The following FAM83B variants were observed in gnomAD, a reference collection of about 807,000 sequenced individuals.
FAM83B encodes scaffolding CK1 anchoring protein B, also known as protein FAM83B.
A neutral mutation model predicts 38.8 loss-of-function variants in FAM83B; 26 were observed. That is an observed-to-expected ratio of 0.67 (90% CI 0.49 to 0.93). The LOEUF (loss-of-function observed/expected upper bound fraction) is 0.93, where lower values mean the gene tolerates loss of function less well. Among genes scored for constraint, FAM83B ranks in the 40% least tolerant of loss-of-function variants. The probability of loss-of-function intolerance (pLI) is 0.00; values close to 1 mark genes in which losing one functional copy is unlikely to be tolerated. For synonymous variants in FAM83B, 419 were observed against 423.1 expected (o/e 0.99, Z 0.12); for missense variants, 1,237 against 1,197.3 (o/e 1.03, Z -0.49).
intron 1 of FAM83B, among the ~76,000 whole-genome samples, chr6:54,858,386 G>C (rs1030504147): frequency 6.6e-6 from 1 of 152,090 alleles, no homozygotes; most frequent in East Asian, 1.9e-4. Context: ...CTTGAAAAAA[G>C]AATCTAGATT....
At position 54,940,965 on chromosome 6, in the gene FAM83B, T is replaced by G; in HGVS notation, c.1994T>G (p.Phe665Cys). The change falls in exon 5 of 5, where the codon TTC (phenylalanine) becomes TGC (cysteine). Residue 665 changes from phenylalanine (F) to cysteine (C), a missense_variant. Phe to Cys is a radical substitution (Grantham distance 205). Coordinates refer to ENST00000306858, the MANE Select transcript of FAM83B (RefSeq NM_001010872.3). The stretch of plus-strand genomic sequence containing the variant: ...GAGAATCTACTTAAAAGGCGAAGTT[T>G]CCCGTTATTTGACAACTCAAAAGCC... The part of the protein sequence containing the change: ...QTENLLKRRS[F>C]PLFDNSKANL... 1 of 1,613,836 alleles carries G rather than the reference T, an allele frequency of 6.2e-7. No homozygotes were observed. Among genetic ancestry groups the G allele is most frequent in the Non-Finnish European group, 8.5e-7 (1 of 1,179,940 alleles).
chr6:54,937,937 A>G (rs1773559291), intron 4 of FAM83B, among the ~76,000 whole-genome samples: 1 of 151,936 alleles, frequency 6.6e-6, no homozygotes, highest in Non-Finnish European at 1.5e-5. Context: ...TGCATGGATA[A>G]GTTCTTTAGT....
At chr6:54,902,578 A>T (rs1238003367) in intron 2 of FAM83B, among the ~76,000 whole-genome samples, 1 of 152,100 alleles carries the variant, frequency 6.6e-6, no homozygotes, top group Admixed American at 6.6e-5. Context: ...CTCATTGATC[A>T]TCATAGTTAC....
chr6:54,921,004 T>C (rs961538877), intron 2 of FAM83B, among the ~76,000 whole-genome samples: 3 of 152,012 alleles, frequency 2.0e-5, no homozygotes, highest in African/African-American at 7.2e-5. Context: ...TAATGATCTT[T>C]GTATTTAACT....
intron 2 of FAM83B, among the ~76,000 whole-genome samples, chr6:54,883,098 C>T (rs540259739): frequency 3.8e-4 from 57 of 151,896 alleles, no homozygotes; most frequent in Middle Eastern, 3.4e-3. Context: ...CCACCACGCC[C>T]GGCTAATTTT....
chr6:54,915,105 C>T (rs969323555), intron 2 of FAM83B, among the ~76,000 whole-genome samples: 2 of 150,746 alleles, frequency 1.3e-5, no homozygotes, highest in Admixed American at 6.6e-5. Flanking sequence ...TAAAAATTCC[C>T]GAGTTTCTAT....
intron 1 of FAM83B, among the ~76,000 whole-genome samples, chr6:54,859,671 CTG>C (rs1333395764): frequency 1.3e-5 from 2 of 152,168 alleles, no homozygotes; most frequent in East Asian, 1.9e-4. Context: ...AGGCATGACA[CTG>C]TGTGTCAGTG....
chr6:54,875,021 A>G (rs1473506458), intron 2 of FAM83B, among the ~76,000 whole-genome samples: 1 of 152,148 alleles, frequency 6.6e-6, no homozygotes, highest in Non-Finnish European at 1.5e-5. Flanking sequence ...GAGTGAGCTG[A>G]TATTATAAAA....
At chr6:54,925,272 A>G (rs1214586411) in intron 2 of FAM83B, among the ~76,000 whole-genome samples, 1 of 152,006 alleles carries the variant, frequency 6.6e-6, no homozygotes, top group African/African-American at 2.4e-5. Flanking sequence ...TTTTTTTTCC[A>G]AAAAACCTAT....
intron 1 of FAM83B, among the ~76,000 whole-genome samples, chr6:54,847,615 G>T (rs1468624926): frequency 7.0e-6 from 1 of 142,390 alleles, no homozygotes; most frequent in East Asian, 1.9e-4. Flanking sequence ...GGCCTATTCT[G>T]TGTGATATGT....
rs1773658452 is a variant in FAM83B at position 54,940,712 on chromosome 6, C to G, written c.1741C>G (p.Pro581Ala). Reference protein sequence around the residue: ...SQGSETPKEVPDTPTNVQHLT... With the variant: ...SQGSETPKEVADTPTNVQHLT... Reference sequence around the variant, plus strand: ...GGGAAGTGAGACACCTAAAGAGGTCCCAGACACCCCTACGAATGTACAGCA... The same window carrying G: ...GGGAAGTGAGACACCTAAAGAGGTCGCAGACACCCCTACGAATGTACAGCA... Residue 581 changes from proline (P) to alanine (A), a missense_variant, in exon 5 of 5, where the codon CCA becomes GCA. Transcript: ENST00000306858. The G allele has an allele frequency of 1.9e-6, 3 of 1,613,834 alleles. No individual in the cohort carries two copies. The highest frequency in any genetic ancestry group is 2.5e-6 in the Non-Finnish European group (3 of 1,180,000).
intron 4 of FAM83B, among the ~76,000 whole-genome samples, chr6:54,934,126 G>A (rs149398619): frequency 6.6e-6 from 1 of 152,222 alleles, no homozygotes; most frequent in African/African-American, 2.4e-5. Context: ...CGTAGGGCTT[G>A]TAACTTTCTA....
At chr6:54,870,796 G>A (rs995851) in intron 2 of FAM83B, 106 bp downstream of exon 2, 347,243 of 1,098,262 alleles carry the variant, frequency 0.32, 64,717 homozygotes, top group East Asian at 0.84. Context: ...ATATGTATAG[G>A]CCATGCCTAT....
At chr6:54,922,845 GCCATTTGCCTATTCTCAGGTCATT>G (rs1773200989) in intron 2 of FAM83B, among the ~76,000 whole-genome samples, 1 of 151,860 alleles carries the variant, frequency 6.6e-6, no homozygotes, top group Admixed American at 6.6e-5. Flanking sequence ...GCTGTATATT[GCCATTTGCCTATTCTCAGGTCATT>G]CCATTCCCCC....
intron 1 of FAM83B, among the ~76,000 whole-genome samples, chr6:54,848,864 A>C (rs1305031579): frequency 2.0e-5 from 3 of 152,176 alleles, no homozygotes; most frequent in African/African-American, 7.2e-5. Flanking sequence ...AGCTTAATTT[A>C]ATGAATTATT....
At chr6:54,903,972 A>G (rs150454331) in intron 2 of FAM83B, among the ~76,000 whole-genome samples, 1 of 151,710 alleles carries the variant, frequency 6.6e-6, no homozygotes, top group African/African-American at 2.4e-5. Context: ...CTTATCCATT[A>G]TGGCTGGGAG....
At chr6:54,847,097 G>C (rs1260886637) in intron 1 of FAM83B, among the ~76,000 whole-genome samples, 1 of 152,152 alleles carries the variant, frequency 6.6e-6, no homozygotes, top group African/African-American at 2.4e-5. Context: ...AAGTTGTCTC[G>C]GGCGGAGTCG....
intron 2 of FAM83B, among the ~76,000 whole-genome samples, chr6:54,920,180 C>G (rs1010404811): frequency 6.7e-6 from 1 of 149,234 alleles, no homozygotes; most frequent in Non-Finnish European, 1.5e-5. Context: ...TTTTTTTTTT[C>G]TGAAATCATT....
In FAM83B at chr6:54,941,454, C is replaced by T. The variant is rs776687589; in HGVS notation, c.2483C>T (p.Pro828Leu). Residue 828 changes from proline to leucine, a missense_variant, in exon 5 of 5, where the codon CCT becomes CTT. By Grantham distance (98) the Pro-to-Leu change is moderately conservative. Transcript: ENST00000306858. Reference sequence around the variant, plus strand: ...TCAGACACAAAAGTTGATTCATCTCCTAGAAGAAAGCATTCTTCCTCATCG... The same window carrying T: ...TCAGACACAAAAGTTGATTCATCTCTTAGAAGAAAGCATTCTTCCTCATCG... The part of the protein sequence containing the change: ...KKSDTKVDSS[P>L]RRKHSSSSNS... The T allele has an allele frequency of 1.2e-6, 2 of 1,613,286 alleles. No individual in the cohort carries two copies. The highest frequency in any genetic ancestry group is 1.1e-5 in the South Asian group (1 of 90,922).
Sources: gnomAD v4.1 joint callset for allele counts (sites outside exome capture counted in the v4.1 genomes callset) on GRCh38, gnomAD v4.1.1 for gene constraint, MANE v1.5 for transcripts, NCBI Gene and HGNC (gene_info 2026-07-23, HGNC 2026-07-21) for gene names.